Variants in SPAG17 observed in about 807,000 individuals in gnomAD.
SPAG17 encodes sperm-associated antigen 17.
SPAG17 carries 169 observed loss-of-function variants against 273.6 expected under a neutral mutation model. The observed-to-expected ratio is 0.62, with a 90% CI of 0.55 to 0.70. The LOEUF is 0.70. Among genes scored for constraint, SPAG17 ranks in the 30% least tolerant of loss-of-function variants. The probability of loss-of-function intolerance (pLI) is 0.00; values close to 1 mark genes in which losing one functional copy is unlikely to be tolerated. For synonymous variants in SPAG17, 825 were observed against 873.2 expected (o/e 0.94, Z 0.97); for missense variants, 2,557 against 2,627.8 (o/e 0.97, Z 0.59).
intron 3 of SPAG17, among the ~76,000 whole-genome samples, chr1:118,142,131 T>C (rs1658716201): frequency 6.6e-6 from 1 of 152,082 alleles, no homozygotes; most frequent in African/African-American, 2.4e-5. Context: ...TATATACATA[T>C]TGGAATATTA....
Position 118,151,370 on chromosome 1 carries a change from C to T in SPAG17, c.88-1G>A. On this transcript the variant is annotated splice_acceptor_variant, in intron 1 of 48. Coordinates refer to ENST00000336338, the MANE Select transcript of SPAG17 (RefSeq NM_206996.4). LOFTEE classifies it high-confidence loss of function. ...AAGCAATGGAGGCCTGCCAATCGTT[C>T]TATTAAAAATCAGACGGAATTAGAT... 6.2e-7 allele frequency: 1 copy of T among 1,610,746 alleles called. No homozygotes were observed. Among genetic ancestry groups the T allele is most frequent in the Non-Finnish European group, 8.5e-7 (1 of 1,178,022 alleles).
intron 17 of SPAG17, 65 bp from the exon 18 acceptor site, chr1:118,066,964 T>C (rs1415718527): frequency 4.8e-6 from 7 of 1,466,858 alleles, no homozygotes; most frequent in African/African-American, 1.4e-5. Flanking sequence ...GGTCTCCTAC[T>C]AGGGCATTTC....
intron 43 of SPAG17, among the ~76,000 whole-genome samples, chr1:117,977,386 A>G (rs1007803019): frequency 6.6e-6 from 1 of 152,220 alleles, no homozygotes; most frequent in Non-Finnish European, 1.5e-5. Flanking sequence ...AGTGTAACAT[A>G]ATATAGAGAA....
intron 8 of SPAG17, 52 bp from the exon 9 acceptor site, chr1:118,092,054 G>T: frequency 6.8e-7 from 1 of 1,478,896 alleles, no homozygotes; most frequent in Non-Finnish European, 9.5e-7. Flanking sequence ...GCTGAGAGAT[G>T]CCCTCATCAA....
chr1:118,041,888 T>C lies in SPAG17; in HGVS notation c.2969A>G (p.Lys990Arg), dbSNP rs760292101. The change falls in exon 21 of 49, where the codon AAG (lysine) becomes AGG (arginine). Residue 990 changes from lysine (K) to arginine (R), a missense_variant. Coordinates refer to ENST00000336338, the MANE Select transcript of SPAG17 (RefSeq NM_206996.4). ...GACTTGTTCTTCTTTAGATTTCTCC[T>C]TGTAAGGTGATTTTTTCTTCAAAGA... ...SRSLKKKSPYKEKSKEEQVKI... is the reference protein window; with the variant it reads ...SRSLKKKSPYREKSKEEQVKI... 12 of 1,613,870 alleles carry C rather than the reference T, an allele frequency of 7.4e-6. No homozygotes were observed. The Admixed American group carries it at 1.7e-4, about 22-fold the overall frequency.
intron 5 of SPAG17, among the ~76,000 whole-genome samples, chr1:118,101,184 G>T (rs1447121569): frequency 6.6e-6 from 1 of 152,196 alleles, no homozygotes; most frequent in Non-Finnish European, 1.5e-5. Flanking sequence ...GGAGGCTGAG[G>T]AGGGAGAGTC....
At chr1:118,159,663 C>T (rs1019271975) in intron 1 of SPAG17, among the ~76,000 whole-genome samples, 5 of 152,098 alleles carry the variant, frequency 3.3e-5, no homozygotes, top group African/African-American at 7.2e-5. Context: ...TTCTTTGTAC[C>T]GTGTAGCCTC....
chr1:118,127,842 G>A (rs1298970010), intron 3 of SPAG17, among the ~76,000 whole-genome samples: 4 of 152,154 alleles, frequency 2.6e-5, no homozygotes, highest in Non-Finnish European at 4.4e-5. Context: ...ATTCCTAGGT[G>A]GCTGGGCACA....
At chr1:118,172,743 T>C (rs181402665) in intron 1 of SPAG17, among the ~76,000 whole-genome samples, 145 of 152,322 alleles carry the variant, frequency 9.5e-4, no homozygotes, top group African/African-American at 1.9e-3. Flanking sequence ...ATATTCTCTT[T>C]ACTGGTACCA....
In SPAG17 at chr1:118,012,205, T is replaced by C. The variant is rs139243785; in HGVS notation, c.4432+23A>G. On this transcript the variant is annotated intron_variant, in intron 30 of 48. Transcript: ENST00000336338. Reference sequence around the variant, plus strand: ...GCTAAAGAGTTATAAAATATTGTCATGTACTCAGAAAATAAAACATACTTG... The same window carrying C: ...GCTAAAGAGTTATAAAATATTGTCACGTACTCAGAAAATAAAACATACTTG... The C allele has an allele frequency of 6.1e-4, 976 of 1,603,280 alleles. No homozygotes were observed. The African/African-American group carries it at 0.011, about 18-fold the overall frequency.
chr1:118,140,165 T>C (rs1658594560), intron 3 of SPAG17, among the ~76,000 whole-genome samples: 1 of 152,200 alleles, frequency 6.6e-6, no homozygotes, highest in Admixed American at 6.5e-5. Context: ...ATTCCTTTTC[T>C]TTATAAATTA....
chr1:118,126,756 T>C (rs1420827909), intron 3 of SPAG17, among the ~76,000 whole-genome samples: 2 of 152,224 alleles, frequency 1.3e-5, no homozygotes, highest in African/African-American at 4.8e-5. Flanking sequence ...CATAAAAATC[T>C]TTGCTTATAT....
chr1:118,115,958 T>C (rs948067896), intron 3 of SPAG17, among the ~76,000 whole-genome samples: 1 of 152,238 alleles, frequency 6.6e-6, no homozygotes, highest in Non-Finnish European at 1.5e-5. Flanking sequence ...AAAGGCGCCA[T>C]ATGAATGTTG....
At chr1:118,120,772 C>T (rs959157577) in intron 3 of SPAG17, among the ~76,000 whole-genome samples, 9 of 152,206 alleles carry the variant, frequency 5.9e-5, no homozygotes, top group Non-Finnish European at 1.2e-4. Flanking sequence ...TGTTACACCC[C>T]TCCCACTTCT....
intron 15 of SPAG17, among the ~76,000 whole-genome samples, chr1:118,080,742 T>C (rs1456927278): frequency 6.6e-6 from 1 of 152,168 alleles, no homozygotes; most frequent in African/African-American, 2.4e-5. Flanking sequence ...TGATGTTCAC[T>C]GAGCATTGAT....
intron 3 of SPAG17, among the ~76,000 whole-genome samples, chr1:118,116,162 T>C (rs780748620): frequency 6.6e-6 from 1 of 152,202 alleles, no homozygotes; most frequent in Non-Finnish European, 1.5e-5. Context: ...CACAACGCTC[T>C]AACATCTGGG....
Position 118,036,800 on chromosome 1 carries a change from T to G in SPAG17, c.3403A>C (p.Ser1135Arg), listed in dbSNP as rs1192809797. The change falls in exon 24 of 49, where the codon AGT becomes CGT. Residue 1135 changes from serine to arginine, a missense_variant. Transcript: ENST00000336338. ...TLENGICLSI[S>R]YYGSNGMAPE... ...GCCATTCCATTTGATCCATAGTAAC[T>G]TATCGAGAGGCAGATTCCATTTTCT... The G allele has an allele frequency of 5.8e-6, 9 of 1,557,310 alleles. No homozygotes were observed. In the South Asian group the frequency reaches 9.5e-5, roughly 16 times the overall value.
chr1:118,062,185 G>A (rs1021136886), intron 18 of SPAG17, among the ~76,000 whole-genome samples: 3 of 151,662 alleles, frequency 2.0e-5, no homozygotes, highest in African/African-American at 7.3e-5. Context: ...GGCTAAAAAC[G>A]GTGAAATCCC....
At chr1:118,101,516 G>T (rs543656748) in intron 5 of SPAG17, among the ~76,000 whole-genome samples, 19 of 152,168 alleles carry the variant, frequency 1.2e-4, no homozygotes, top group Non-Finnish European at 2.8e-4. Flanking sequence ...TCTAATGAGT[G>T]AAAAGGCTGG....
Sources: gnomAD v4.1 joint callset for allele counts (sites outside exome capture counted in the v4.1 genomes callset) on GRCh38, gnomAD v4.1.1 for gene constraint, MANE v1.5 for transcripts, NCBI Gene and HGNC (gene_info 2026-07-23, HGNC 2026-07-21) for gene names.